ACACA: variants seen among roughly 807,000 people sequenced by gnomAD.
ACACA encodes the protein acetyl-CoA carboxylase alpha, also known as acetyl-CoA carboxylase 1.
In ACACA, 103 loss-of-function variants were observed where a neutral mutation model predicts 296.1. The observed-to-expected ratio is 0.35, with a 90% CI of 0.30 to 0.41. The LOEUF (loss-of-function observed/expected upper bound fraction) is 0.41. Among genes scored for constraint, ACACA ranks in the 10% least tolerant of loss-of-function variants. ACACA has a pLI of 1.00. For synonymous variants in ACACA, 953 were observed against 1,038.6 expected, an observed-to-expected ratio of 0.92 and a Z score of 1.58; for missense variants, 1,554 against 2,989.7, an observed-to-expected ratio of 0.52 and a Z score of 11.20.
intron 50 of ACACA, among the ~76,000 whole-genome samples, chr17:37,116,152 G>A (rs544675974): frequency 3.3e-5 from 5 of 151,994 alleles, no homozygotes; most frequent in East Asian, 1.9e-4. Context: ...GCCACCATGC[G>A]CAGCTAATTT....
intron 26 of ACACA, 58 bp from the exon 27 acceptor site, chr17:37,225,163 T>C: frequency 1.0e-6 from 1 of 965,788 alleles, no homozygotes; most frequent in South Asian, 1.3e-5. Context: ...TCTAGACTCC[T>C]ATTAGGCAGC....
intron 25 of ACACA, among the ~76,000 whole-genome samples, chr17:37,232,149 G>A (rs1284951965): frequency 6.6e-6 from 1 of 152,140 alleles, no homozygotes; most frequent in Non-Finnish European, 1.5e-5. Flanking sequence ...CTTTACTAGA[G>A]CAACGCATAT....
At chr17:37,165,082 C>A (rs1487711274) in intron 41 of ACACA, among the ~76,000 whole-genome samples, 1 of 152,088 alleles carries the variant, frequency 6.6e-6, no homozygotes, top group Non-Finnish European at 1.5e-5. Context: ...TTATCAATGT[C>A]TTTCCAAAGT....
At chr17:37,323,802 A>C (rs527467729) in intron 3 of ACACA, among the ~76,000 whole-genome samples, 1 of 152,356 alleles carries the variant, frequency 6.6e-6, no homozygotes, top group Non-Finnish European at 1.5e-5. Flanking sequence ...TTACAGTTCT[A>C]TTTGGTTGAT....
At chr17:37,281,082 A>C in intron 5 of ACACA, among the ~76,000 whole-genome samples, 1 of 139,930 alleles carries the variant, frequency 7.1e-6, no homozygotes. Flanking sequence ...TTTCATTGAG[A>C]CTGAGTCTCG....
At chr17:37,317,939 A>T (rs1189542182) in intron 3 of ACACA, among the ~76,000 whole-genome samples, 1 of 152,182 alleles carries the variant, frequency 6.6e-6, no homozygotes, top group African/African-American at 2.4e-5. Context: ...TGCAGATCTC[A>T]TAATGACCTT....
chr17:37,208,288 T>C (rs2078598855), intron 30 of ACACA, among the ~76,000 whole-genome samples: 1 of 152,166 alleles, frequency 6.6e-6, no homozygotes, highest in African/African-American at 2.4e-5. Flanking sequence ...TATATATGTA[T>C]GTAAAACAAC....
intron 1 of ACACA, among the ~76,000 whole-genome samples, chr17:37,373,944 G>A (rs1249084874): frequency 6.6e-6 from 1 of 152,208 alleles, no homozygotes; most frequent in Non-Finnish European, 1.5e-5. Flanking sequence ...GCAGCCAGAG[G>A]CAAGAGGGTG....
At chr17:37,268,729 C>CTATATA (rs1212218965) in intron 10 of ACACA, among the ~76,000 whole-genome samples, 79 of 110,984 alleles carry the variant, frequency 7.1e-4, no homozygotes, top group African/African-American at 3.0e-3. Context: ...ATCTATCTAT[C>CTATATA]TATCTATCTA....
At chr17:37,264,126 AACATCTGGTGCATC>A (rs1367448234) in intron 10 of ACACA, among the ~76,000 whole-genome samples, 1 of 152,174 alleles carries the variant, frequency 6.6e-6, no homozygotes, top group African/African-American at 2.4e-5. Context: ...AAAACATACG[AACATCTGGTGCATC>A]ACAAAGGTAA....
Position 37,235,069 on chromosome 17 carries a change from C to T in ACACA, c.3152G>A (p.Arg1051Gln). The change falls in exon 25 of 56, where the codon CGA becomes CAA. Residue 1051 changes from arginine to glutamine, a missense_variant. Physicochemically the swap from Arg to Gln is conservative, Grantham distance 43. Coordinates refer to ENST00000616317, the MANE Select transcript of ACACA (RefSeq NM_198834.3). ...GTTCATGTCACTTTTATTCTCTTCTCGGAGGGCGAATACACATTTGTCATA... is the reference window on the plus strand; with the variant it reads ...GTTCATGTCACTTTTATTCTCTTCTTGGAGGGCGAATACACATTTGTCATA... ...GHYDKCVFAL[R>Q]EENKSDMNTV... 1 of 1,613,492 alleles carries T rather than the reference C, an allele frequency of 6.2e-7. No individual in the cohort carries two copies. Among genetic ancestry groups the T allele is most frequent in the Non-Finnish European group, 8.5e-7 (1 of 1,179,888 alleles).
At chr17:37,401,649 T>G (rs894902453) in intron 1 of ACACA, among the ~76,000 whole-genome samples, 1 of 151,324 alleles carries the variant, frequency 6.6e-6, no homozygotes, top group Non-Finnish European at 1.5e-5. Context: ...GCCTCAACTG[T>G]CTGAGCTCAA....
At chr17:37,328,061 T>C (rs2047700905) in intron 3 of ACACA, among the ~76,000 whole-genome samples, 1 of 152,238 alleles carries the variant, frequency 6.6e-6, no homozygotes, top group Non-Finnish European at 1.5e-5. Context: ...TATTCCTCTT[T>C]TTAACCCAGA....
chr17:37,213,136 C>T (rs2078827380), intron 29 of ACACA, among the ~76,000 whole-genome samples: 1 of 151,444 alleles, frequency 6.6e-6, no homozygotes, highest in African/African-American at 2.4e-5. Context: ...CAGGCAACAT[C>T]TCCAAAATCC....
intron 51 of ACACA, among the ~76,000 whole-genome samples, chr17:37,112,305 TATAG>T (rs771152612): frequency 1.3e-5 from 2 of 152,200 alleles, no homozygotes; most frequent in African/African-American, 4.8e-5. Context: ...TTAAAAAAAT[TATAG>T]ATAATGTTTA....
intron 43 of ACACA, among the ~76,000 whole-genome samples, chr17:37,153,275 G>C (rs1051906060): frequency 1.3e-5 from 2 of 152,138 alleles, no homozygotes; most frequent in Non-Finnish European, 2.9e-5. Flanking sequence ...TTAGAAATAA[G>C]CATGAAGAAA....
At position 37,406,344 on chromosome 17, in the gene ACACA, G is replaced by C; in HGVS notation, c.-45C>G. On this transcript the variant is annotated 5_prime_UTR_variant, in exon 1 of 56. Transcript: ENST00000616317. Reference sequence around the variant, plus strand: ...AATTTGGGCCTCTGAAGCCCAAAGAGGGGATGGTTCTTTCCAAAGAAGACA... The same window carrying C: ...AATTTGGGCCTCTGAAGCCCAAAGACGGGATGGTTCTTTCCAAAGAAGACA... The C allele has an allele frequency of 1.2e-6, 2 of 1,607,770 alleles. No individual in the cohort carries two copies. The highest frequency in any genetic ancestry group is 1.1e-5 in the South Asian group (1 of 90,972).
At chr17:37,123,835 T>C (rs1004492318) in intron 48 of ACACA, among the ~76,000 whole-genome samples, 1 of 152,230 alleles carries the variant, frequency 6.6e-6, no homozygotes, top group Admixed American at 6.5e-5. Context: ...CCTAAATCGG[T>C]AACTTATAAC....
At chr17:37,267,486 A>G (rs534750936) in intron 10 of ACACA, among the ~76,000 whole-genome samples, 1 of 152,076 alleles carries the variant, frequency 6.6e-6, no homozygotes, top group East Asian at 1.9e-4. Context: ...AATTTCTCAC[A>G]TTGCTCTATG....
Sources: gnomAD v4.1 joint callset for allele counts (sites outside exome capture counted in the v4.1 genomes callset) on GRCh38, gnomAD v4.1.1 for gene constraint, MANE v1.5 for transcripts, NCBI Gene and HGNC (gene_info 2026-07-23, HGNC 2026-07-21) for gene names.